MAP1LC3B2: variants seen among roughly 807,000 people sequenced by gnomAD.
MAP1LC3B2 encodes microtubule-associated protein 1 light chain 3 beta 2.
For missense variants in MAP1LC3B2, 155 were observed against 154.6 expected (o/e 1.00, Z -0.01); for synonymous variants, 62 against 57.8 (o/e 1.07, Z -0.33).
chr12:116,572,838 G>C (rs530070544), intron 1 of MAP1LC3B2, among the ~76,000 whole-genome samples: 3 of 152,228 alleles, frequency 2.0e-5, no homozygotes, highest in Non-Finnish European at 4.4e-5. Context: ...CCCCAGAACA[G>C]AGTCTCAGAG....
At chr12:116,560,190 ATATAT>A (rs1869218779) in intron 1 of MAP1LC3B2, 12 of 812 alleles carry the variant, frequency 0.015, no homozygotes, top group African/African-American at 0.029. Context: ...AAGTTTGGCT[ATATAT>A]ATATATATAT....
chr12:116,565,575 C>T (rs2136960152), intron 1 of MAP1LC3B2, among the ~76,000 whole-genome samples: 1 of 152,258 alleles, frequency 6.6e-6, no homozygotes, highest in Admixed American at 6.5e-5. Context: ...AGAGCCAAAC[C>T]ATATCACGGG....
chr12:116,570,472 C>T (rs1018260249), intron 1 of MAP1LC3B2, among the ~76,000 whole-genome samples: 4 of 152,186 alleles, frequency 2.6e-5, no homozygotes, highest in Admixed American at 6.5e-5. Flanking sequence ...CAAATCTTGT[C>T]TTGAATTGTA....
intron 1 of MAP1LC3B2, among the ~76,000 whole-genome samples, chr12:116,567,149 T>C (rs1208406085): frequency 6.6e-6 from 1 of 151,698 alleles, no homozygotes; most frequent in Non-Finnish European, 1.5e-5. Flanking sequence ...TTTTTGGAGA[T>C]TTAGAGTGCT....
chr12:116,564,067 T>C (rs1301292581), intron 1 of MAP1LC3B2, among the ~76,000 whole-genome samples: 1 of 152,190 alleles, frequency 6.6e-6, no homozygotes, highest in Non-Finnish European at 1.5e-5. Context: ...AGATATTGTA[T>C]TTTTTATCTC....
chr12:116,561,870 T>C (rs1480130999), intron 1 of MAP1LC3B2, among the ~76,000 whole-genome samples: 1 of 152,234 alleles, frequency 6.6e-6, no homozygotes. Context: ...CTTCTTATTG[T>C]CCAGTGCTTT....
At chr12:116,564,966 A>G (rs1869353646) in intron 1 of MAP1LC3B2, among the ~76,000 whole-genome samples, 1 of 152,138 alleles carries the variant, frequency 6.6e-6, no homozygotes, top group Non-Finnish European at 1.5e-5. Flanking sequence ...TCTCTGAAAA[A>G]CAATTGTTTT....
In MAP1LC3B2 at chr12:116,575,872, G is replaced by A. The variant is rs1050601349; in HGVS notation, c.-71G>A. 16 of 1,590,350 alleles carry A rather than the reference G, an allele frequency of 1.0e-5. No individual in the cohort carries two copies. The highest frequency in any genetic ancestry group is 9.4e-5 in the African/African-American group (7 of 74,308). On this transcript the variant is annotated 5_prime_UTR_variant, in exon 2 of 2. Coordinates refer to ENST00000556529, the MANE Select transcript of MAP1LC3B2 (RefSeq NM_001085481.3). ...CACGGCCACAGTCGGATTCGCTGCCGCAGCAGCCGCCACCCCCAGGAGCCG... is the reference window on the plus strand; with the variant it reads ...CACGGCCACAGTCGGATTCGCTGCCACAGCAGCCGCCACCCCCAGGAGCCG...
At chr12:116,570,559 G>A (rs954115214) in intron 1 of MAP1LC3B2, among the ~76,000 whole-genome samples, 4 of 152,182 alleles carry the variant, frequency 2.6e-5, no homozygotes, top group Non-Finnish European at 4.4e-5. Context: ...CCCCCATACT[G>A]TTCTGGTGGT....
At chr12:116,573,407 T>G (rs1869590788) in intron 1 of MAP1LC3B2, among the ~76,000 whole-genome samples, 1 of 152,160 alleles carries the variant, frequency 6.6e-6, no homozygotes, top group Admixed American at 6.5e-5. Context: ...GGGCAGAAAT[T>G]TAATTATTTT....
At chr12:116,562,079 G>C (rs1272831358) in intron 1 of MAP1LC3B2, among the ~76,000 whole-genome samples, 1 of 152,208 alleles carries the variant, frequency 6.6e-6, no homozygotes, top group Non-Finnish European at 1.5e-5. Context: ...GTCCATCAGA[G>C]CAAATAGTTG....
At position 116,576,270 on chromosome 12, in the gene MAP1LC3B2, T is replaced by C. The variant is rs1302312207; in HGVS notation, c.328T>C (p.Tyr110His). ...ESEKDEDGFLYMVCASQETFG... is the reference protein window; with the variant it reads ...ESEKDEDGFLHMVCASQETFG... ...TGAGAAAGATGAAGATGGATTCCTG[T>C]ACATGGTCTGTGCCTCCCAGGAGAC... The change falls in exon 2 of 2, where the codon TAC becomes CAC. Residue 110 changes from tyrosine to histidine, a missense_variant. Transcript: ENST00000556529. The C allele has an allele frequency of 6.2e-7, 1 of 1,614,170 alleles. No individual in the cohort carries two copies. The highest frequency in any genetic ancestry group is 8.5e-7 in the Non-Finnish European group (1 of 1,180,028).
intron 1 of MAP1LC3B2, among the ~76,000 whole-genome samples, chr12:116,560,556 A>C (rs1869246146): frequency 6.6e-6 from 1 of 151,944 alleles, no homozygotes; most frequent in African/African-American, 2.4e-5. Flanking sequence ...CTACTTTTAC[A>C]CTGTAGTGGG....
At position 116,576,207 on chromosome 12, in the gene MAP1LC3B2, G is replaced by A; in HGVS notation, c.265G>A (p.Val89Ile). 4 of 1,614,096 alleles carry A rather than the reference G, an allele frequency of 2.5e-6. No homozygotes were observed. The highest frequency in any genetic ancestry group is 3.4e-6 in the Non-Finnish European group (4 of 1,179,998). The change falls in exon 2 of 2, where the codon GTC becomes ATC. Residue 89 changes from valine to isoleucine, a missense_variant. By Grantham distance (29) the Val-to-Ile change is conservative. Transcript: ENST00000556529. ...CCTGTTGGTGAACGGACACAGCATG[G>A]TCAGCGTCTCCACACCAATCTCAGA... is the stretch of plus-strand genomic sequence containing the variant. ...FFLLVNGHSM[V>I]SVSTPISEVY... is the part of the protein sequence containing the mutation.
intron 1 of MAP1LC3B2, among the ~76,000 whole-genome samples, chr12:116,564,190 A>G (rs900008179): frequency 6.6e-6 from 1 of 152,160 alleles, no homozygotes; most frequent in Non-Finnish European, 1.5e-5. Flanking sequence ...AGTTAATTAC[A>G]TCATCTTTGT....
At chr12:116,563,599 G>C (rs962902176) in intron 1 of MAP1LC3B2, among the ~76,000 whole-genome samples, 1 of 152,046 alleles carries the variant, frequency 6.6e-6, no homozygotes, top group Admixed American at 6.5e-5. Flanking sequence ...TCTTTTCTTT[G>C]TGTTTATCTT....
chr12:116,576,164 T>C lies in MAP1LC3B2; in HGVS notation c.222T>C (p.Asn74=). ...TAATTAGAAGGCGCTTACAGCTCAATGCTAATCAGGCCTTCTTCCTGTTGG... is the reference window on the plus strand; with the variant it reads ...TAATTAGAAGGCGCTTACAGCTCAACGCTAATCAGGCCTTCTTCCTGTTGG... ...IKIIRRRLQL[N]ANQAFFLLVN... Residue 74 remains asparagine, a synonymous_variant, in exon 2 of 2, where the codon AAT becomes AAC. Transcript: ENST00000556529. 1.9e-6 allele frequency: 3 copies of C among 1,614,120 alleles called. No individual in the cohort carries two copies. Among genetic ancestry groups the C allele is most frequent in the Non-Finnish European group, 2.5e-6 (3 of 1,180,010 alleles).
At chr12:116,560,222 ATATATATATATATAT>A (rs1157841554) in intron 1 of MAP1LC3B2, 6 of 72,606 alleles carry the variant, frequency 8.3e-5, no homozygotes, top group Non-Finnish European at 1.4e-4. Context: ...ATATATATAT[ATATATATATATATAT>A]ATATGTATGT....
intron 1 of MAP1LC3B2, among the ~76,000 whole-genome samples, chr12:116,565,767 G>A (rs913386284): frequency 1.3e-5 from 2 of 152,202 alleles, no homozygotes; most frequent in African/African-American, 4.8e-5. Context: ...GATGATATAC[G>A]ATAGTGGGAG....
Sources: allele counts gnomAD v4.1 joint callset (sites outside exome capture counted in the v4.1 genomes callset), GRCh38; gene constraint gnomAD v4.1.1; transcripts MANE v1.5; gene names NCBI Gene and HGNC (gene_info 2026-07-23, HGNC 2026-07-21).